Variants in PIP5K1B observed in about 807,000 individuals in gnomAD.
PIP5K1B encodes the protein phosphatidylinositol 4-phosphate 5-kinase type-1 beta.
In PIP5K1B, 42 loss-of-function variants were observed where a neutral mutation model predicts 67.0. The observed-to-expected ratio is 0.63, with a 90% CI of 0.49 to 0.81. The LOEUF is 0.81. Ranked by LOEUF, PIP5K1B falls within the 30% of genes least tolerant of loss-of-function variation. PIP5K1B has a pLI of 0.00. For synonymous variants in PIP5K1B, 214 were observed against 231.4 expected, an observed-to-expected ratio of 0.92 and a Z score of 0.68; for missense variants, 459 against 646.3, an observed-to-expected ratio of 0.71 and a Z score of 3.14.
intron 8 of PIP5K1B, among the ~76,000 whole-genome samples, chr9:68,915,618 T>C (rs1228444391): frequency 6.6e-6 from 1 of 151,994 alleles, no homozygotes; most frequent in African/African-American, 2.4e-5. Flanking sequence ...ACCCCTCCCT[T>C]CCTCCTCCAA....
At chr9:68,987,200 T>G (rs7048167) in intron 14 of PIP5K1B, among the ~76,000 whole-genome samples, 1 of 151,350 alleles carries the variant, frequency 6.6e-6, no homozygotes, top group African/African-American at 2.4e-5. Flanking sequence ...TGCAGTGAAC[T>G]GAGATCTCAC....
intron 15 of PIP5K1B, among the ~76,000 whole-genome samples, chr9:69,005,642 G>A (rs1831042892): frequency 6.6e-6 from 1 of 152,070 alleles, no homozygotes; most frequent in South Asian, 2.1e-4. Flanking sequence ...GCCTCCCAAA[G>A]TGCTGGGATT....
intron 8 of PIP5K1B, among the ~76,000 whole-genome samples, chr9:68,910,391 T>C (rs1221754251): frequency 6.6e-6 from 1 of 152,216 alleles, no homozygotes; most frequent in African/African-American, 2.4e-5. Context: ...AGTAAATGTT[T>C]TTAGTGCCAA....
intron 4 of PIP5K1B, among the ~76,000 whole-genome samples, chr9:68,847,413 TTGTGTGTGTGTGTGTGTGTGTGTGTGTG>T (rs777818994): frequency 2.0e-5 from 2 of 101,614 alleles, no homozygotes; most frequent in East Asian, 3.1e-4. Context: ...AGCAGTGGTT[TTGTGTGTGTGTGTGTGTGTGTGTGTGTG>T]TGTGTGTGTG....
At chr9:68,768,774 G>C (rs1194054653) in intron 2 of PIP5K1B, among the ~76,000 whole-genome samples, 2 of 152,190 alleles carry the variant, frequency 1.3e-5, no homozygotes, top group Non-Finnish European at 2.9e-5. Flanking sequence ...TTGAGCAGTA[G>C]CTGTCAGCCA....
chr9:68,766,320 GTATC>G lies in PIP5K1B; in HGVS notation c.-86+23669_-86+23672del, dbSNP rs779301532. 1.1e-4 allele frequency among the ~76,000 whole-genome samples: 16 copies of G among 152,206 alleles called. No individual in the cohort carries two copies. The East Asian group carries it at 2.1e-3, about 20-fold the overall frequency. ...ATAAGCAAAAACTATTGTTATAAAT[GTATC>G]TATCTTTGATTTAGCACTTCTACTT... On this transcript the variant is annotated intron_variant, in intron 2 of 15. Transcript: ENST00000265382.
intron 1 of PIP5K1B, among the ~76,000 whole-genome samples, chr9:68,708,949 A>G (rs892560554): frequency 6.6e-6 from 1 of 152,208 alleles, no homozygotes; most frequent in Non-Finnish European, 1.5e-5. Context: ...AGTACCGTTT[A>G]TGGGTAAGAA....
chr9:68,760,626 G>A (rs1186247361), intron 2 of PIP5K1B, among the ~76,000 whole-genome samples: 1 of 152,058 alleles, frequency 6.6e-6, no homozygotes, highest in African/African-American at 2.4e-5. Context: ...CTTCCTCTAA[G>A]TTGTGGTTTA....
intron 15 of PIP5K1B, 102 bp from the exon 16 acceptor site, chr9:69,008,345 A>G (rs1831180820): frequency 2.0e-6 from 2 of 995,150 alleles, no homozygotes; most frequent in African/African-American, 1.6e-5. Context: ...TTCCAGACAC[A>G]AGTGATTGGG....
chr9:68,769,012 G>A (rs1830562240), intron 2 of PIP5K1B, among the ~76,000 whole-genome samples: 1 of 152,172 alleles, frequency 6.6e-6, no homozygotes, highest in African/African-American at 2.4e-5. Flanking sequence ...GAAAAGCCAC[G>A]GAAGCATTTG....
In PIP5K1B at chr9:69,006,662, C is replaced by T. The variant is rs375295264; in HGVS notation, c.1621-1785C>T. ...AGCCATTCCCCTGGGGTCCTGGCTC[C>T]AGGGCCCTTCACTGGTGGATCTCCT... On this transcript the variant is annotated intron_variant, in intron 15 of 15. Transcript: ENST00000265382. Among the ~76,000 whole-genome samples the T allele has an allele frequency of 4.6e-5, 7 of 152,236 alleles. No individual in the cohort carries two copies. The East Asian group carries it at 1.4e-3, about 30-fold the overall frequency.
intron 2 of PIP5K1B, among the ~76,000 whole-genome samples, chr9:68,777,628 A>G (rs1431356585): frequency 6.6e-6 from 1 of 152,192 alleles, no homozygotes; most frequent in Non-Finnish European, 1.5e-5. Context: ...TAAGATCTCT[A>G]ATAGGTGTGT....
chr9:68,705,917 G>T (rs1827100599), intron 1 of PIP5K1B, 155 bp downstream of exon 1: 1 of 152,144 alleles, frequency 6.6e-6, no homozygotes, highest in African/African-American at 2.4e-5. Flanking sequence ...GAGGGCGCCC[G>T]TGGCCACCGA....
chr9:68,875,888 G>C (rs1399835345), intron 5 of PIP5K1B, among the ~76,000 whole-genome samples: 1 of 152,148 alleles, frequency 6.6e-6, no homozygotes, highest in Non-Finnish European at 1.5e-5. Context: ...AGAATAAAAA[G>C]GATGAGATTG....
At chr9:68,872,481 G>A (rs550051714) in intron 5 of PIP5K1B, among the ~76,000 whole-genome samples, 10 of 152,316 alleles carry the variant, frequency 6.6e-5, no homozygotes, top group African/African-American at 2.4e-4. Flanking sequence ...GGCTCAGTTT[G>A]GGGGAAGAGG....
intron 14 of PIP5K1B, among the ~76,000 whole-genome samples, chr9:68,946,375 C>T (rs1378863978): frequency 2.0e-5 from 3 of 151,784 alleles, no homozygotes; most frequent in East Asian, 3.9e-4. Flanking sequence ...TCTCCAGACT[C>T]TTTGTTCTTT....
intron 2 of PIP5K1B, chr9:68,781,226 A>T (rs1831255294): frequency 3.1e-6 from 2 of 647,328 alleles, no homozygotes; most frequent in Non-Finnish European, 5.3e-6. Flanking sequence ...GTGTAGTAAT[A>T]TTTTCAGACG....
At chr9:68,708,491 C>G (rs983854290) in intron 1 of PIP5K1B, among the ~76,000 whole-genome samples, 1 of 152,088 alleles carries the variant, frequency 6.6e-6, no homozygotes, top group Non-Finnish European at 1.5e-5. Flanking sequence ...GCTTTTCTTT[C>G]TCCCTAGACA....
At chr9:68,848,863 A>G (rs1822332314) in intron 4 of PIP5K1B, among the ~76,000 whole-genome samples, 2 of 152,266 alleles carry the variant, frequency 1.3e-5, no homozygotes, top group Admixed American at 1.3e-4. Context: ...GTTAAGAGCA[A>G]ATAATACAAT....
Sources: gnomAD v4.1 joint callset for allele counts (sites outside exome capture counted in the v4.1 genomes callset) on GRCh38, gnomAD v4.1.1 for gene constraint, MANE v1.5 for transcripts, NCBI Gene and HGNC (gene_info 2026-07-23, HGNC 2026-07-21) for gene names.